SS18L1: variants seen among roughly 807,000 people sequenced by gnomAD.
The protein encoded by SS18L1 is SS18L1 subunit of BAF chromatin remodeling complex.
A neutral mutation model predicts 70.3 loss-of-function variants in SS18L1; 32 were observed. The ratio of observed to expected loss-of-function variants is 0.46; its 90% CI spans 0.34 to 0.61. The LOEUF is 0.61. SS18L1 is among the 20% of genes least tolerant of loss of function. SS18L1 has a pLI of 0.01. For synonymous variants in SS18L1, 237 were observed against 229.7 expected (o/e 1.03, Z -0.29); for missense variants, 430 against 542.1 (o/e 0.79, Z 2.05).
Position 62,181,207 on chromosome 20 carries a change from A to C in SS18L1, c.*1999A>C, listed in dbSNP as rs2057701501. ...GCACTAAGGGTTTCTAAAACCCTTA[A>C]CACTGGTAAGGGCTCAAAAATAAAC... On this transcript the variant is annotated 3_prime_UTR_variant, in exon 11 of 11. Transcript: ENST00000331758. 1 of 201,078 alleles carries C rather than the reference A, an allele frequency of 5.0e-6. No individual in the cohort carries two copies. Among genetic ancestry groups the C allele is most frequent in the Non-Finnish European group, 1.0e-5 (1 of 97,476 alleles). 12.5% of individuals were successfully genotyped at this position (201,078 alleles called of 1,614,324 possible). A position where few individuals can be genotyped will look rare whatever the true frequency, so the allele number is the denominator to read the frequency against.
chr20:62,156,979 C>T (rs1282707467), intron 1 of SS18L1, among the ~76,000 whole-genome samples: 2 of 152,258 alleles, frequency 1.3e-5, no homozygotes, highest in Non-Finnish European at 2.9e-5. Context: ...TTCTGTGCCT[C>T]CCTGCAGACA....
At chr20:62,163,316 T>C in intron 5 of SS18L1, 142 bp from the exon 6 acceptor site, 1 of 1,256,992 alleles carries the variant, frequency 8.0e-7, no homozygotes, top group Non-Finnish European at 1.1e-6. Context: ...AGGGGAGGCG[T>C]GCCTTGCGGT....
rs906181468 is a variant in SS18L1, at chr20:62,147,537, A to G, written c.69+3648A>G. Among the ~76,000 whole-genome samples the G allele has an allele frequency of 6.6e-5, 10 of 152,180 alleles. No individual in the cohort carries two copies. The East Asian group carries it at 7.7e-4, about 12-fold the overall frequency. On this transcript the variant is annotated intron_variant, in intron 1 of 10. Coordinates refer to ENST00000331758, the MANE Select transcript of SS18L1 (RefSeq NM_198935.3). ...CTGCTTGGCATGCAGTAATTGCTCA[A>G]TAAATGTGTTACTGTTTCTGTTTGT...
chr20:62,163,851 G>A (rs773388523), intron 6 of SS18L1, among the ~76,000 whole-genome samples: 2 of 152,234 alleles, frequency 1.3e-5, no homozygotes, highest in Non-Finnish European at 1.5e-5. Context: ...GGGGGCAGGG[G>A]CGGCAGTTGT....
chr20:62,172,940 C>T (rs551424836), intron 9 of SS18L1, 139 bp downstream of exon 9: 17 of 1,502,550 alleles, frequency 1.1e-5, no homozygotes, highest in African/African-American at 1.4e-5. Flanking sequence ...GCACGCTCCT[C>T]GGGGCCCCCC....
chr20:62,153,088 A>G (rs1303223589), intron 1 of SS18L1, among the ~76,000 whole-genome samples: 1 of 152,204 alleles, frequency 6.6e-6, no homozygotes, highest in Non-Finnish European at 1.5e-5. Context: ...ACTTAGAATC[A>G]TGGCGGAAGG....
Position 62,162,125 on chromosome 20 carries a change from G to T in SS18L1, c.376+545G>T, listed in dbSNP as rs567932612. ...AGTCCAAACTGTTAAATACTCGGGA[G>T]ACTGAGGAGAGAGGGTCACTTGAGC... On this transcript the variant is annotated intron_variant, in intron 4 of 10. Coordinates refer to ENST00000331758, the MANE Select transcript of SS18L1 (RefSeq NM_198935.3). Among the ~76,000 whole-genome samples, 13 of 152,328 alleles carry T rather than the reference G, an allele frequency of 8.5e-5. 1 individual carries two copies. In the South Asian group the frequency reaches 2.7e-3, roughly 32 times the overall value.
At position 62,164,017 on chromosome 20, in the gene SS18L1, C is replaced by G. The variant is rs1028387959; in HGVS notation, c.722-128C>G. On this transcript the variant is annotated intron_variant, in intron 6 of 10. Transcript: ENST00000331758. ...ACAAAACATAAGTTGGATACGATGA[C>G]AGCGTGGGGTGTTCTCCTCGGGTGG... 1.6e-5 allele frequency: 12 copies of G among 734,306 alleles called. No homozygotes were observed. The Admixed American group carries it at 1.7e-4, about 10-fold the overall frequency. The allele number at this position is 734,306 out of a possible 1,614,324, so 45.5% of individuals were successfully genotyped here. A position where few individuals can be genotyped will look rare whatever the true frequency, so the allele number is the denominator to read the frequency against.
chr20:62,161,102 G>A lies in SS18L1; in HGVS notation c.232-334G>A, dbSNP rs529301309. Among the ~76,000 whole-genome samples, 36 of 151,922 alleles carry A rather than the reference G, an allele frequency of 2.4e-4. No homozygotes were observed. The highest frequency in any genetic ancestry group is 3.4e-3 in the Middle Eastern group (1 of 292). On this transcript the variant is annotated intron_variant, in intron 3 of 10. Transcript: ENST00000331758. This position sits in a 1 kb window ranked among gnomAD's most constrained non-coding sequence, Gnocchi z 4.4. ...AGAGGCGCTGGTCACCTGCGCCCGA[G>A]GGGGACGGGGTGCGTTCAGCCTGGT...
intron 1 of SS18L1, among the ~76,000 whole-genome samples, chr20:62,144,933 G>T (rs1288455828): frequency 3.3e-5 from 5 of 152,202 alleles, no homozygotes; most frequent in Non-Finnish European, 1.5e-5. Context: ...TCCCTAAGGG[G>T]GTTCACCTTG....
intron 7 of SS18L1, 26 bp downstream of exon 7, chr20:62,164,272 C>T (rs1389438949): frequency 7.8e-6 from 12 of 1,538,068 alleles, no homozygotes; most frequent in African/African-American, 2.7e-5. Context: ...GGCCTGACCC[C>T]GCCCAGGAAC....
rs2057372489 is a variant in SS18L1, at chr20:62,163,593, C to T, written c.692C>T (p.Pro231Leu). The change falls in exon 6 of 11, where the codon CCC becomes CTC. Residue 231 changes from proline to leucine, a missense_variant. Pro to Leu is a moderately conservative substitution (Grantham distance 98). Coordinates refer to ENST00000331758, the MANE Select transcript of SS18L1 (RefSeq NM_198935.3). ...GGGAGCAGCATGATGGGGCAGCGGCCCATGGCGCCCTACCGGCCCTCCCAG... is the reference window on the plus strand; with the variant it reads ...GGGAGCAGCATGATGGGGCAGCGGCTCATGGCGCCCTACCGGCCCTCCCAG... ...SQGSSMMGQR[P>L]MAPYRPSQQG... 1 of 1,603,720 alleles carries T rather than the reference C, an allele frequency of 6.2e-7. No homozygotes were observed. Among genetic ancestry groups the T allele is most frequent in the Non-Finnish European group, 8.5e-7 (1 of 1,177,364 alleles).
chr20:62,151,309 C>T (rs2057124795), intron 1 of SS18L1, among the ~76,000 whole-genome samples: 1 of 152,174 alleles, frequency 6.6e-6, no homozygotes, highest in South Asian at 2.1e-4. Flanking sequence ...CCTGGCTGTG[C>T]CCTGGGCCCT....
Position 62,158,777 on chromosome 20 carries a change from T to C in SS18L1, c.146+29T>C. 1.2e-6 allele frequency: 2 copies of C among 1,612,864 alleles called. No homozygotes were observed. The highest frequency in any genetic ancestry group is 1.7e-6 in the Non-Finnish European group (2 of 1,179,938). On this transcript the variant is annotated intron_variant, in intron 2 of 10. Coordinates refer to ENST00000331758, the MANE Select transcript of SS18L1 (RefSeq NM_198935.3). This position sits in a 1 kb window ranked among gnomAD's most constrained non-coding sequence, Gnocchi z 4.5. ...AGTGCCCGCCATACACCGGAACACT[T>C]GGAGGGTGTCATGCAGAGTCTAAGC... is the stretch of plus-strand genomic sequence containing the variant.
At chr20:62,147,595 A>T (rs1243224218) in intron 1 of SS18L1, among the ~76,000 whole-genome samples, 1 of 152,128 alleles carries the variant, frequency 6.6e-6, no homozygotes, top group Non-Finnish European at 1.5e-5. Context: ...TTGGCCGGAT[A>T]ATAGCAGTGG....
chr20:62,157,075 C>T (rs1305646794), intron 1 of SS18L1, among the ~76,000 whole-genome samples: 1 of 152,164 alleles, frequency 6.6e-6, no homozygotes, highest in Non-Finnish European at 1.5e-5. Context: ...CGTTGGGTCT[C>T]CGCGGGCCAC....
In SS18L1 at chr20:62,165,324, G is replaced by A. The variant is rs370078200; in HGVS notation, c.824-98G>A. Reference sequence around the variant, plus strand: ...CCTGCCGGCTCTTGTTGCCTCCCTGGCCAGACAACATCTCCCCAGCCTGGG... The same window carrying A: ...CCTGCCGGCTCTTGTTGCCTCCCTGACCAGACAACATCTCCCCAGCCTGGG... On this transcript the variant is annotated intron_variant, in intron 7 of 10. Transcript: ENST00000331758. The A allele has an allele frequency of 4.1e-6, 5 of 1,228,360 alleles. No homozygotes were observed. In the African/African-American group the frequency reaches 6.0e-5, roughly 15 times the overall value. The allele number at this position is 1,228,360 out of a possible 1,614,324, so 76.1% of individuals were successfully genotyped here.
chr20:62,158,572 G>C lies in SS18L1; in HGVS notation c.70-100G>C. ...ATCTGACACGTTTCACGTAAGGGAC[G>C]CTCAACCTATATGAAAACTAGATGT... On this transcript the variant is annotated intron_variant, in intron 1 of 10. Coordinates refer to ENST00000331758, the MANE Select transcript of SS18L1 (RefSeq NM_198935.3). The surrounding 1 kb of genome is among the most constrained non-coding windows in gnomAD (Gnocchi z 4.5). The C allele has an allele frequency of 6.6e-7, 1 of 1,514,840 alleles. No individual in the cohort carries two copies. The allele number at this position is 1,514,840 out of a possible 1,614,324, so 93.8% of individuals were successfully genotyped here. A position where few individuals can be genotyped will look rare whatever the true frequency, so the allele number is the denominator to read the frequency against.
chr20:62,148,087 G>A (rs952702059), intron 1 of SS18L1, among the ~76,000 whole-genome samples: 5 of 152,206 alleles, frequency 3.3e-5, no homozygotes, highest in Admixed American at 2.0e-4. Flanking sequence ...TTCCTCCTGC[G>A]ATCAGAGGCT....
Sources: gnomAD v4.1 joint callset for allele counts (sites outside exome capture counted in the v4.1 genomes callset) on GRCh38, gnomAD v4.1.1 for gene constraint, Gnocchi (gnomAD v3.1) non-coding constraint, MANE v1.5 for transcripts, NCBI Gene and HGNC (gene_info 2026-07-23, HGNC 2026-07-21) for gene names.